The following ENTREP3 variants were observed in gnomAD, a reference collection of about 807,000 sequenced individuals.
ENTREP3 encodes the protein protein ENTREP3.
the ENTREP3 span, chr1:155,253,902 A>T: frequency 6.2e-7 from 1 of 1,612,868 alleles, no homozygotes. Flanking sequence ...GTTAGGGGCA[A>T]CTTTCAGTTC....
the ENTREP3 span, chr1:155,255,096 G>A: frequency 3.4e-6 from 2 of 595,304 alleles, no homozygotes; most frequent in Non-Finnish European, 6.0e-6. The surrounding 1 kb of genome is among the most constrained non-coding windows in gnomAD (Gnocchi z 5.6). Flanking sequence ...TCCCCACCAC[G>A]GGCACTGGAC....
the ENTREP3 span, chr1:155,250,864 G>A: frequency 6.5e-7 from 1 of 1,532,432 alleles, no homozygotes; most frequent in East Asian, 2.4e-5. This position sits in a 1 kb window ranked among gnomAD's most constrained non-coding sequence, Gnocchi z 5.4. Context: ...GCCTGGCCTG[G>A]CCTAGCCCTG....
chr1:155,252,098 C>T, the ENTREP3 span: 14 of 461,122 alleles, frequency 3.0e-5, no homozygotes, highest in Non-Finnish European at 4.5e-5. Flanking sequence ...TAGCTCTGGC[C>T]CTGCCCACCC....
At chr1:155,252,901 T>C in the ENTREP3 span, 1 of 148,302 alleles carries the variant, frequency 6.7e-6, no homozygotes, top group Non-Finnish European at 1.5e-5. Flanking sequence ...TTGGCTAATT[T>C]TTGTATTTCG....
chr1:155,252,311 C>T, the ENTREP3 span, among the ~76,000 whole-genome samples: 2 of 151,960 alleles, frequency 1.3e-5, no homozygotes, highest in African/African-American at 4.8e-5. Context: ...AATTCCCATG[C>T]CTCATCCTCC....
chr1:155,250,533 G>A, the ENTREP3 span: 1 of 1,549,068 alleles, frequency 6.5e-7, no homozygotes, highest in East Asian at 2.3e-5. This position sits in a 1 kb window ranked among gnomAD's most constrained non-coding sequence, Gnocchi z 5.4. Flanking sequence ...GCTGCGGGCA[G>A]CTGTGGGGGC....
chr1:155,255,065 G>A, the ENTREP3 span: 1 of 603,436 alleles, frequency 1.7e-6, no homozygotes, highest in Non-Finnish European at 2.9e-6. The surrounding 1 kb of genome is among the most constrained non-coding windows in gnomAD (Gnocchi z 5.6). Context: ...GGGCGTCACG[G>A]AGGGACCGCG....
At chr1:155,250,419 G>T in the ENTREP3 span, 1 of 1,499,900 alleles carries the variant, frequency 6.7e-7, no homozygotes, top group Non-Finnish European at 8.9e-7. The surrounding 1 kb of genome is among the most constrained non-coding windows in gnomAD (Gnocchi z 5.4). Context: ...CGGGGCTCGG[G>T]TGGGCGGGGC....
At chr1:155,254,861 C>CTAGGCGAGGGCA in the ENTREP3 span, 1 of 1,574,366 alleles carries the variant, frequency 6.4e-7, no homozygotes, top group South Asian at 1.1e-5. This position sits in a 1 kb window ranked among gnomAD's most constrained non-coding sequence, Gnocchi z 4.4. Flanking sequence ...GCTGGAGTCA[C>CTAGGCGAGGGCA]TAGGCGAGGG....
At chr1:155,255,286 G>A in the ENTREP3 span, 1 of 241,268 alleles carries the variant, frequency 4.1e-6, no homozygotes. The surrounding 1 kb of genome is among the most constrained non-coding windows in gnomAD (Gnocchi z 5.6). Context: ...GAGAAGAGGG[G>A]AGGGGTCGGC....
the ENTREP3 span, chr1:155,254,558 G>A: frequency 6.4e-7 from 1 of 1,555,294 alleles, no homozygotes; most frequent in South Asian, 1.1e-5. The surrounding 1 kb of genome is among the most constrained non-coding windows in gnomAD (Gnocchi z 4.4). Context: ...AGAGGACCAG[G>A]AGAGGGAGGA....
chr1:155,250,392 T>C, the ENTREP3 span: 3 of 879,220 alleles, frequency 3.4e-6, no homozygotes, highest in Non-Finnish European at 5.0e-6. This position sits in a 1 kb window ranked among gnomAD's most constrained non-coding sequence, Gnocchi z 5.4. Context: ...ACCTGAGCTA[T>C]CGCTGAAGCG....
the ENTREP3 span, chr1:155,250,912 G>A: frequency 2.1e-4 from 287 of 1,361,774 alleles, no homozygotes; most frequent in African/African-American, 3.7e-3. The surrounding 1 kb of genome is among the most constrained non-coding windows in gnomAD (Gnocchi z 5.4). Flanking sequence ...CAGCCTCTAG[G>A]GGCCACTGTG....
chr1:155,251,526 G>A, the ENTREP3 span: 3 of 1,613,816 alleles, frequency 1.9e-6, no homozygotes, highest in Admixed American at 5.0e-5. Context: ...GTAGTCCCAT[G>A]ACTGCCTCAT....
chr1:155,253,823 G>A, the ENTREP3 span: 1 of 1,611,918 alleles, frequency 6.2e-7, no homozygotes, highest in South Asian at 1.1e-5. Flanking sequence ...AGGCAAGAGT[G>A]AGAACCAGGA....
At chr1:155,252,566 C>T in the ENTREP3 span, among the ~76,000 whole-genome samples, 568 of 145,582 alleles carry the variant, frequency 3.9e-3, 3 homozygotes, top group African/African-American at 0.014. Context: ...GATAGGGTTT[C>T]GCCATGTTGG....
the ENTREP3 span, chr1:155,251,035 C>A: frequency 4.0e-6 from 6 of 1,502,864 alleles, no homozygotes; most frequent in Non-Finnish European, 4.6e-6. Flanking sequence ...ATTGTCTCTA[C>A]CCACCCCAGC....
the ENTREP3 span, chr1:155,251,558 G>T: frequency 6.2e-7 from 1 of 1,614,006 alleles, no homozygotes; most frequent in Non-Finnish European, 8.5e-7. Flanking sequence ...CAATCGGTAG[G>T]GTACAAGGGC....
At chr1:155,251,304 G>T in the ENTREP3 span, 1 of 780,094 alleles carries the variant, frequency 1.3e-6, no homozygotes, top group Non-Finnish European at 2.1e-6. Context: ...CAGCTTCCAC[G>T]TCTGTATGGC....
Sources: gnomAD v4.1 joint callset for allele counts (sites outside exome capture counted in the v4.1 genomes callset) on GRCh38, gnomAD v4.1.1 for gene constraint, Gnocchi (gnomAD v3.1) non-coding constraint, MANE v1.5 for transcripts, NCBI Gene and HGNC (gene_info 2026-07-23, HGNC 2026-07-21) for gene names.